The following UBE2K variants were observed in gnomAD, a reference collection of about 807,000 sequenced individuals.
UBE2K encodes ubiquitin conjugating enzyme E2 K.
A neutral mutation model predicts 30.0 loss-of-function variants in UBE2K; 6 were observed. That is an observed-to-expected ratio of 0.20 (90% confidence interval 0.11 to 0.39). The LOEUF (loss-of-function observed/expected upper bound fraction) is 0.39, where lower values mean the gene tolerates loss of function less well. Among genes scored for constraint, UBE2K ranks in the 10% least tolerant of loss-of-function variants. UBE2K has a pLI of 1.00. For missense variants in UBE2K, 61 were observed against 241.6 expected (o/e 0.25, Z 4.96); for synonymous variants, 86 against 83.7 (o/e 1.03, Z -0.15).
chr4:39,772,397 C>CAAAAA (rs34937270), intron 4 of UBE2K, among the ~76,000 whole-genome samples: 255 of 127,208 alleles, frequency 2.0e-3, no homozygotes, highest in African/African-American at 7.8e-3. Flanking sequence ...CTGTCTCTAC[C>CAAAAA]AAAAAAAAAA....
chr4:39,704,797 C>A (rs1349283814), intron 1 of UBE2K, among the ~76,000 whole-genome samples: 4 of 151,870 alleles, frequency 2.6e-5, no homozygotes, highest in African/African-American at 4.8e-5. Flanking sequence ...CGGCCTTGGC[C>A]ACCTGAAGTG....
intron 3 of UBE2K, among the ~76,000 whole-genome samples, chr4:39,752,311 ATT>A (rs751312791): frequency 8.4e-6 from 1 of 118,552 alleles, no homozygotes; most frequent in Non-Finnish European, 1.7e-5. Flanking sequence ...CGCCTGGCTA[ATT>A]TTTTTTTTTT....
chr4:39,746,271 G>A (rs1248663356), intron 3 of UBE2K, among the ~76,000 whole-genome samples: 2 of 151,978 alleles, frequency 1.3e-5, no homozygotes, highest in Admixed American at 1.3e-4. Context: ...CATTATAGTG[G>A]GGAAAAAAAA....
intron 4 of UBE2K, among the ~76,000 whole-genome samples, chr4:39,757,988 C>CA (rs1218117796): frequency 1.3e-5 from 2 of 152,172 alleles, no homozygotes; most frequent in African/African-American, 4.8e-5. Context: ...ACTGCAAACT[C>CA]ACAAATTATC....
At chr4:39,753,841 CG>C in intron 3 of UBE2K, among the ~76,000 whole-genome samples, 1 of 152,066 alleles carries the variant, frequency 6.6e-6, no homozygotes, top group Non-Finnish European at 1.5e-5. Context: ...TGGGCTTGGC[CG>C]GGCATGATGG....
chr4:39,714,543 TATATA>T (rs1560343817), intron 1 of UBE2K: 4 of 56,222 alleles, frequency 7.1e-5, no homozygotes, highest in African/African-American at 1.3e-4. Flanking sequence ...TATATATATA[TATATA>T]TATTTTTTTT....
intron 1 of UBE2K, among the ~76,000 whole-genome samples, chr4:39,736,235 G>A (rs1374889685): frequency 1.3e-5 from 2 of 152,158 alleles, no homozygotes; most frequent in African/African-American, 4.8e-5. Flanking sequence ...GGCCAAGGCG[G>A]GCGTATCGCG....
Position 39,777,629 on chromosome 4 carries a change from T to C in UBE2K, c.400-53T>C, listed in dbSNP as rs920771818. 3.5e-6 allele frequency: 5 copies of C among 1,446,266 alleles called. No homozygotes were observed. In the African/African-American group the frequency reaches 6.0e-5, roughly 17 times the overall value. 89.6% of individuals were successfully genotyped at this position (1,446,266 alleles called of 1,614,324 possible). The stretch of plus-strand genomic sequence containing the variant: ...TTGTAGGCGATTAAGAGCTGAAATA[T>C]ATCAAATATTATAACTGTAATGTCA... On this transcript the variant is annotated intron_variant, in intron 5 of 6. Coordinates refer to ENST00000261427, the MANE Select transcript of UBE2K (RefSeq NM_005339.5).
At chr4:39,713,069 G>C (rs1718804021) in intron 1 of UBE2K, among the ~76,000 whole-genome samples, 1 of 150,706 alleles carries the variant, frequency 6.6e-6, no homozygotes. Context: ...TTGCCATACT[G>C]GTCACACTGG....
chr4:39,760,791 TA>T (rs908554111), intron 4 of UBE2K, among the ~76,000 whole-genome samples: 95 of 151,714 alleles, frequency 6.3e-4, no homozygotes, highest in African/African-American at 2.1e-3. Context: ...AAATTAAAAT[TA>T]AAAAAAATTA....
At chr4:39,769,174 C>G (rs1243250692) in intron 4 of UBE2K, among the ~76,000 whole-genome samples, 1 of 150,578 alleles carries the variant, frequency 6.6e-6, no homozygotes, top group African/African-American at 2.4e-5. Flanking sequence ...ATCAGAATCA[C>G]CTGGAGGACC....
At chr4:39,744,906 CAAA>C (rs1157922250) in intron 2 of UBE2K, among the ~76,000 whole-genome samples, 1 of 77,034 alleles carries the variant, frequency 1.3e-5, no homozygotes, top group African/African-American at 6.2e-5. Context: ...GACTCTGTCT[CAAA>C]AAAAAAAAAA....
At chr4:39,767,309 T>TTTTTG (rs572005753) in intron 4 of UBE2K, among the ~76,000 whole-genome samples, 18 of 150,854 alleles carry the variant, frequency 1.2e-4, no homozygotes, top group South Asian at 4.2e-4. Context: ...GTTTTTTTTT[T>TTTTTG]TGTGTGTGTG....
intron 1 of UBE2K, among the ~76,000 whole-genome samples, chr4:39,713,279 G>A (rs1718815415): frequency 1.8e-5 from 1 of 57,136 alleles, no homozygotes; most frequent in African/African-American, 7.7e-5. Flanking sequence ...TCCTTCTTCT[G>A]TAGGAAATTT....
intron 4 of UBE2K, among the ~76,000 whole-genome samples, chr4:39,764,788 G>C (rs1350440732): frequency 6.6e-6 from 1 of 152,010 alleles, no homozygotes; most frequent in Non-Finnish European, 1.5e-5. Flanking sequence ...TGGTAATCTA[G>C]AGTCTGTAGT....
rs1268672630 is a variant in UBE2K, at chr4:39,780,703, G to A, written c.*2269G>A. On this transcript the variant is annotated 3_prime_UTR_variant, in exon 7 of 7. Coordinates refer to ENST00000261427, the MANE Select transcript of UBE2K (RefSeq NM_005339.5). ...GTGATGATCTTTTTTTTCCTTTCTG[G>A]TATATTTCCCACTGTACTGTTTGGT... 1.3e-5 allele frequency: 2 copies of A among 151,344 alleles called. No homozygotes were observed. The highest frequency in any genetic ancestry group is 1.3e-4 in the Admixed American group (2 of 15,196). The allele number at this position is 151,344 out of a possible 1,614,324, so 9.4% of individuals were successfully genotyped here.
intron 1 of UBE2K, among the ~76,000 whole-genome samples, chr4:39,705,689 G>C (rs1394368402): frequency 6.6e-6 from 1 of 152,024 alleles, no homozygotes; most frequent in Non-Finnish European, 1.5e-5. Context: ...TTTTGTTGTT[G>C]TTTTGTTTTG....
intron 4 of UBE2K, chr4:39,770,072 C>T (rs1413346878): frequency 3.3e-5 from 51 of 1,536,440 alleles, no homozygotes; most frequent in Non-Finnish European, 4.4e-5. Flanking sequence ...GGCCTCCACG[C>T]CTGCGCGGCT....
At chr4:39,727,025 A>G (rs1427289319) in intron 1 of UBE2K, among the ~76,000 whole-genome samples, 2 of 152,216 alleles carry the variant, frequency 1.3e-5, no homozygotes, top group Non-Finnish European at 2.9e-5. Flanking sequence ...AACCAAATCA[A>G]TTGTCTTATT....
Sources: gnomAD v4.1 joint callset for allele counts (sites outside exome capture counted in the v4.1 genomes callset) on GRCh38, gnomAD v4.1.1 for gene constraint, MANE v1.5 for transcripts, NCBI Gene and HGNC (gene_info 2026-07-23, HGNC 2026-07-21) for gene names.